The following CMIP variants were observed in gnomAD, a reference collection of about 807,000 sequenced individuals.
CMIP encodes the protein c-Maf inducing protein.
A neutral mutation model predicts 97.3 loss-of-function variants in CMIP; 13 were observed. The ratio of observed to expected loss-of-function variants is 0.13; its 90% CI spans 0.09 to 0.21. The LOEUF (loss-of-function observed/expected upper bound fraction) is 0.21, where lower values mean the gene tolerates loss of function less well. Among genes scored for constraint, CMIP ranks in the 10% least tolerant of loss-of-function variants. CMIP has a pLI of 1.00. For missense variants in CMIP, 847 were observed against 1,024.9 expected, an observed-to-expected ratio of 0.83 and a Z score of 2.37; for synonymous variants, 538 against 436.3, an observed-to-expected ratio of 1.23 and a Z score of -2.91.
intron 1 of CMIP, among the ~76,000 whole-genome samples, chr16:81,573,358 A>T (rs899613732): frequency 1.6e-4 from 24 of 152,244 alleles, no homozygotes; most frequent in African/African-American, 5.8e-4. Flanking sequence ...AATAAAAAAA[A>T]AAAAAAGGCA....
chr16:81,648,219 G>T (rs1222226516), intron 3 of CMIP, among the ~76,000 whole-genome samples: 2 of 151,798 alleles, frequency 1.3e-5, no homozygotes, highest in African/African-American at 2.4e-5. Context: ...GTGATGGAAA[G>T]AGCTTTGCAG....
At chr16:81,470,870 C>G (rs1449157519) in intron 1 of CMIP, among the ~76,000 whole-genome samples, 2 of 152,244 alleles carry the variant, frequency 1.3e-5, no homozygotes, top group African/African-American at 4.8e-5. Context: ...CCTGAAACTC[C>G]TGAGATCAGT....
At chr16:81,680,467 G>A (rs1224507363) in intron 10 of CMIP, among the ~76,000 whole-genome samples, 7 of 152,216 alleles carry the variant, frequency 4.6e-5, no homozygotes, top group African/African-American at 1.7e-4. Flanking sequence ...AGGAGATCGT[G>A]GAGGCAGCGT....
chr16:81,612,054 T>C (rs575465462), intron 2 of CMIP, among the ~76,000 whole-genome samples: 46 of 152,216 alleles, frequency 3.0e-4, no homozygotes, highest in Admixed American at 2.6e-4. Flanking sequence ...ATTTCCTCCA[T>C]TGATGCCCTT....
chr16:81,576,922 C>G (rs1021654086), intron 1 of CMIP, among the ~76,000 whole-genome samples: 3 of 152,066 alleles, frequency 2.0e-5, no homozygotes, highest in Non-Finnish European at 4.4e-5. Context: ...ATCACATCAT[C>G]ACCACCACCA....
Position 81,693,171 on chromosome 16 carries a change from G to C in CMIP, c.1468G>C (p.Glu490Gln). ...TTTTTGTTGCAGAGCTCTCGCACAT[G>C]AGAAGTTCACCAAGTGAGTGTCTGG... ...IPFPKEALAH[E>Q]KFTKELKYVI... is the part of the protein sequence containing the mutation. The change falls in exon 12 of 21, where the codon GAG becomes CAG. Residue 490 changes from glutamate to glutamine, a missense_variant. Physicochemically the swap from Glu to Gln is conservative, Grantham distance 29. Coordinates refer to ENST00000537098, the MANE Select transcript of CMIP (RefSeq NM_198390.3). The C allele has an allele frequency of 6.2e-7, 1 of 1,613,342 alleles. No homozygotes were observed.
intron 15 of CMIP, among the ~76,000 whole-genome samples, chr16:81,701,381 GC>G (rs1480063698): frequency 1.3e-5 from 2 of 152,196 alleles, no homozygotes; most frequent in African/African-American, 4.8e-5. Context: ...TCCCCCGGGG[GC>G]CTGCCCCATG....
intron 3 of CMIP, chr16:81,645,366 G>A (rs1300645578): frequency 3.0e-5 from 43 of 1,443,564 alleles, no homozygotes; most frequent in East Asian, 7.7e-5. Flanking sequence ...GTGTGTACGC[G>A]CGCGAGCCCC....
chr16:81,519,950 C>T (rs1409589944), intron 1 of CMIP: 2 of 152,186 alleles, frequency 1.3e-5, no homozygotes, highest in African/African-American at 2.4e-5. Flanking sequence ...AGTTGTGGCT[C>T]TCTGGGAAGG....
chr16:81,483,366 G>A (rs2089261296), intron 1 of CMIP, among the ~76,000 whole-genome samples: 1 of 152,198 alleles, frequency 6.6e-6, no homozygotes, highest in Admixed American at 6.5e-5. Context: ...TGTGGATGGA[G>A]CAGAATGTGC....
chr16:81,545,953 CAG>C (rs2090538639), intron 1 of CMIP, among the ~76,000 whole-genome samples: 1 of 151,412 alleles, frequency 6.6e-6, no homozygotes, highest in African/African-American at 2.4e-5. Context: ...CTAGTGAACT[CAG>C]GGAGAATCCA....
intron 1 of CMIP, among the ~76,000 whole-genome samples, chr16:81,542,385 G>A (rs1240588390): frequency 1.3e-5 from 2 of 152,166 alleles, no homozygotes; most frequent in Admixed American, 6.5e-5. Context: ...TGCTCTGTGA[G>A]GCACCGAGGG....
At chr16:81,507,288 C>G (rs1313354069) in intron 1 of CMIP, among the ~76,000 whole-genome samples, 3 of 152,104 alleles carry the variant, frequency 2.0e-5, no homozygotes, top group Non-Finnish European at 4.4e-5. Context: ...CCAGCCTTGG[C>G]TTTCTGGGGG....
At chr16:81,639,038 C>A (rs1158067868) in intron 3 of CMIP, among the ~76,000 whole-genome samples, 2 of 152,280 alleles carry the variant, frequency 1.3e-5, no homozygotes, top group East Asian at 3.9e-4. Flanking sequence ...GAGGGAGAGT[C>A]CAGGATTGTT....
chr16:81,517,739 A>AT (rs1173525662), intron 1 of CMIP: 1 of 154,420 alleles, frequency 6.5e-6, no homozygotes, highest in African/African-American at 2.4e-5. Context: ...AGTGGGAAAC[A>AT]TTTTTTCCTG....
chr16:81,639,336 G>A (rs1379992900), intron 3 of CMIP, among the ~76,000 whole-genome samples: 4 of 152,142 alleles, frequency 2.6e-5, no homozygotes, highest in South Asian at 2.1e-4. Context: ...GTTCATTCAC[G>A]TTGCCGTGCT....
chr16:81,579,764 C>G (rs1056168020), intron 1 of CMIP, among the ~76,000 whole-genome samples: 1 of 152,170 alleles, frequency 6.6e-6, no homozygotes, highest in South Asian at 2.1e-4. Context: ...ACCATCCTGG[C>G]TAACATGGTG....
rs1434617503 is a variant in CMIP at position 81,657,764 on chromosome 16, C to T, written c.640-11C>T. 3 of 1,600,088 alleles carry T rather than the reference C, an allele frequency of 1.9e-6. No individual in the cohort carries two copies. Among genetic ancestry groups the T allele is most frequent in the Non-Finnish European group, 2.6e-6 (3 of 1,173,718 alleles). On this transcript the variant is annotated splice_polypyrimidine_tract_variant and intron_variant, in intron 4 of 20. Transcript: ENST00000537098. ...TTGTTTTCCTCCTGCTGTCTCCATTCAATCCTTTAGAACACAAACTTGACC... is the reference window on the plus strand; with the variant it reads ...TTGTTTTCCTCCTGCTGTCTCCATTTAATCCTTTAGAACACAAACTTGACC...
chr16:81,547,719 T>C (rs1395160744), intron 1 of CMIP, among the ~76,000 whole-genome samples: 4 of 152,058 alleles, frequency 2.6e-5, no homozygotes, highest in Non-Finnish European at 4.4e-5. Context: ...CTTCAGGAAA[T>C]GGCCCCTCTT....
Sources: gnomAD v4.1 joint callset for allele counts (sites outside exome capture counted in the v4.1 genomes callset) on GRCh38, gnomAD v4.1.1 for gene constraint, MANE v1.5 for transcripts, NCBI Gene and HGNC (gene_info 2026-07-23, HGNC 2026-07-21) for gene names.